The following FBXO42 variants were observed in gnomAD, a reference collection of about 807,000 sequenced individuals.
The protein encoded by FBXO42 is F-box protein 42, also known as F-box only protein 42.
Under a neutral mutation model 71.7 loss-of-function variants are expected in FBXO42, and 12 were observed. The observed-to-expected ratio is 0.17, with a 90% confidence interval of 0.11 to 0.27. The LOEUF (loss-of-function observed/expected upper bound fraction) is 0.27, where lower values mean the gene tolerates loss of function less well. Among genes scored for constraint, FBXO42 ranks in the 10% least tolerant of loss-of-function variants. FBXO42 has a pLI of 1.00. For missense variants in FBXO42, 707 were observed against 911.9 expected (o/e 0.78, Z 2.89); for synonymous variants, 325 against 327.5 (o/e 0.99, Z 0.08).
At chr1:16,281,470 T>TTG (rs1158641998) in intron 4 of FBXO42, among the ~76,000 whole-genome samples, 46 of 147,732 alleles carry the variant, frequency 3.1e-4, no homozygotes, top group African/African-American at 1.2e-3. Flanking sequence ...TTTTCTTTTT[T>TTG]TGTTTTTTTT....
chr1:16,270,847 T>G (rs1231057889), intron 4 of FBXO42, among the ~76,000 whole-genome samples: 5 of 145,828 alleles, frequency 3.4e-5, no homozygotes, highest in Non-Finnish European at 7.5e-5. Context: ...GAGTCAGCAG[T>G]GACTAAAACA....
rs929070315 is a variant in FBXO42, at chr1:16,277,887, A to T, written c.502+16896T>A. The stretch of plus-strand genomic sequence containing the variant: ...AAGACCCTGTCTCAACAAAAAATTT[A>T]AAAAATTAGCTGGGCTTGGTGGCAT... On this transcript the variant is annotated intron_variant, in intron 4 of 9. Transcript: ENST00000375592. Among the ~76,000 whole-genome samples the T allele has an allele frequency of 4.0e-5, 6 of 151,510 alleles. No individual in the cohort carries two copies. The South Asian group carries it at 8.4e-4, about 21-fold the overall frequency.
At chr1:16,299,961 C>T (rs773550055) in intron 3 of FBXO42, among the ~76,000 whole-genome samples, 3 of 152,118 alleles carry the variant, frequency 2.0e-5, no homozygotes, top group African/African-American at 7.2e-5. Context: ...CTATTTTAAG[C>T]ACCCTAGCCT....
chr1:16,297,339 A>G (rs2082140673), intron 3 of FBXO42, among the ~76,000 whole-genome samples: 1 of 152,178 alleles, frequency 6.6e-6, no homozygotes, highest in South Asian at 2.1e-4. Context: ...TGAGCAAGTT[A>G]AGAGGTAATG....
chr1:16,308,738 C>CTTTTTT (rs1375953649), intron 2 of FBXO42, among the ~76,000 whole-genome samples: 2 of 116,488 alleles, frequency 1.7e-5, no homozygotes, highest in African/African-American at 3.4e-5. Context: ...GACCCCATCT[C>CTTTTTT]TGTTTTTTTT....
At chr1:16,277,884 T>C (rs1271362971) in intron 4 of FBXO42, among the ~76,000 whole-genome samples, 2 of 149,856 alleles carry the variant, frequency 1.3e-5, no homozygotes, top group East Asian at 4.0e-4. Flanking sequence ...CAACAAAAAA[T>C]TTAAAAAATT....
Position 16,305,813 on chromosome 1 carries a change from G to A in FBXO42, c.357C>T (p.Arg119=), listed in dbSNP as rs1188214358. 3.1e-6 allele frequency: 5 copies of A among 1,613,606 alleles called. No homozygotes were observed. The Admixed American group carries it at 8.3e-5, about 27-fold the overall frequency. Residue 119 remains arginine, a synonymous_variant, in exon 3 of 10, where the codon CGC becomes CGT. Coordinates refer to ENST00000375592, the MANE Select transcript of FBXO42 (RefSeq NM_018994.3). ...YPYPGTPITQ[R]FSHSACYYDA... ...ACAGTAAATACTTACTGTGCGAGAA[G>A]CGCTGAGTGATTGGGGTTCCAGGAT... is the stretch of plus-strand genomic sequence containing the variant.
intron 7 of FBXO42, 192 bp downstream of exon 7, chr1:16,253,443 G>A: frequency 1.7e-6 from 1 of 601,254 alleles, no homozygotes. Flanking sequence ...GCTTTGGGGA[G>A]GAGCATAATA....
chr1:16,295,862 T>A (rs532459275), intron 3 of FBXO42, among the ~76,000 whole-genome samples: 59 of 152,208 alleles, frequency 3.9e-4, no homozygotes, highest in Non-Finnish European at 7.5e-4. Flanking sequence ...AAGCAACAGA[T>A]TGAAAAAGCA....
intron 3 of FBXO42, among the ~76,000 whole-genome samples, chr1:16,304,438 C>A (rs966493109): frequency 6.6e-6 from 1 of 151,786 alleles, no homozygotes; most frequent in Non-Finnish European, 1.5e-5. Flanking sequence ...ATTTTATAAT[C>A]GACACTTGTC....
chr1:16,304,092 A>C (rs528179945), intron 3 of FBXO42, among the ~76,000 whole-genome samples: 20 of 149,092 alleles, frequency 1.3e-4, no homozygotes, highest in African/African-American at 3.9e-4. Flanking sequence ...GGCGTGAGCC[A>C]CAGCACCCAG....
rs1553156680 is a variant in FBXO42, at chr1:16,350,753, A to AGAAAGAAAGAAAGAAAGAAAGAAAG, written c.-18+1501_-18+1502insCTTTCTTTCTTTCTTTCTTTCTTTC. ...CAGAGTGAGAAACTGCAAAAAAAAA[A>AGAAAGAAAGAAAGAAAGAAAGAAAG]AAAAAAAGAAAGAAAGAAAGAAAGA... On this transcript the variant is annotated intron_variant, in intron 1 of 9. Transcript: ENST00000375592. Among the ~76,000 whole-genome samples, 52 of 28,864 alleles carry AGAAAGAAAGAAAGAAAGAAAGAAAG rather than the reference A, an allele frequency of 1.8e-3. 2 individuals are homozygous for AGAAAGAAAGAAAGAAAGAAAGAAAG. The highest frequency in any genetic ancestry group is 1.6e-3 in the Non-Finnish European group (26 of 15,884). The allele number at this position is 28,864 out of a possible 152,430, so 18.9% of individuals were successfully genotyped here.
rs2082244265 is a variant in FBXO42, at chr1:16,305,814, C to T, written c.356G>A (p.Arg119His). ...YPYPGTPITQ[R>H]FSHSACYYDA... ...CAGTAAATACTTACTGTGCGAGAAG[C>T]GCTGAGTGATTGGGGTTCCAGGATA... Residue 119 changes from arginine (R) to histidine (H), a missense_variant, in exon 3 of 10, where the codon CGC becomes CAC. Arg to His is a conservative substitution (Grantham distance 29). Coordinates refer to ENST00000375592, the MANE Select transcript of FBXO42 (RefSeq NM_018994.3). 1.2e-6 allele frequency: 2 copies of T among 1,613,512 alleles called. No homozygotes were observed. Among genetic ancestry groups the T allele is most frequent in the Non-Finnish European group, 8.5e-7 (1 of 1,179,492 alleles).
intron 1 of FBXO42, among the ~76,000 whole-genome samples, chr1:16,318,721 G>T (rs1411544839): frequency 6.6e-6 from 1 of 152,216 alleles, no homozygotes. Context: ...TTAATGGGAA[G>T]TAACTTCTGG....
chr1:16,334,158 G>A (rs1295411547), intron 1 of FBXO42, among the ~76,000 whole-genome samples: 3 of 152,106 alleles, frequency 2.0e-5, no homozygotes, highest in Non-Finnish European at 4.4e-5. Context: ...TCTAGGCCGG[G>A]CCCGGTGGCT....
chr1:16,350,756 A>AGAAAG (rs1557612351), intron 1 of FBXO42, among the ~76,000 whole-genome samples: 6 of 128,390 alleles, frequency 4.7e-5, no homozygotes, highest in Non-Finnish European at 1.0e-4. Flanking sequence ...AAAAAAAAAA[A>AGAAAG]AAAAGAAAGA....
intron 1 of FBXO42, among the ~76,000 whole-genome samples, chr1:16,352,002 G>C (rs1258318806): frequency 6.6e-6 from 1 of 152,136 alleles, no homozygotes; most frequent in Non-Finnish European, 1.5e-5. Flanking sequence ...GTGAGGGGAC[G>C]AGAACCACCC....
At chr1:16,318,971 GT>G (rs2082392291) in intron 1 of FBXO42, among the ~76,000 whole-genome samples, 1 of 152,168 alleles carries the variant, frequency 6.6e-6, no homozygotes, top group Non-Finnish European at 1.5e-5. Flanking sequence ...CAGATGGACA[GT>G]AAGTCCTTTT....
intron 3 of FBXO42, among the ~76,000 whole-genome samples, chr1:16,300,986 C>A (rs2082187163): frequency 6.7e-6 from 1 of 149,348 alleles, no homozygotes; most frequent in African/African-American, 2.5e-5. Flanking sequence ...GCAACCTCTG[C>A]CTCCCAGGTT....
Sources: gnomAD v4.1 joint callset for allele counts (sites outside exome capture counted in the v4.1 genomes callset) on GRCh38, gnomAD v4.1.1 for gene constraint, MANE v1.5 for transcripts, NCBI Gene and HGNC (gene_info 2026-07-23, HGNC 2026-07-21) for gene names.